The following APBB2 variants were observed in gnomAD, a reference collection of about 807,000 sequenced individuals.
APBB2 encodes the protein Fe65-like 1.
Under a neutral mutation model 82.5 loss-of-function variants are expected in APBB2, and 38 were observed. That is an observed-to-expected ratio of 0.46 (90% CI 0.36 to 0.60). APBB2 has a LOEUF of 0.60. Ranked by LOEUF, APBB2 falls within the 20% of genes least tolerant of loss-of-function variation. The pLI is 0.00. For missense variants in APBB2, 772 were observed against 972.3 expected, an observed-to-expected ratio of 0.79 and a Z score of 2.74; for synonymous variants, 341 against 368.2, an observed-to-expected ratio of 0.93 and a Z score of 0.85.
chr4:40,961,289 G>T (rs1018008633), intron 6 of APBB2, among the ~76,000 whole-genome samples: 7 of 151,962 alleles, frequency 4.6e-5, no homozygotes, highest in African/African-American at 1.7e-4. Context: ...GCTTCTAATG[G>T]ATTAGCTTTG....
chr4:41,006,947 G>C (rs1029787625), intron 6 of APBB2, among the ~76,000 whole-genome samples: 1 of 152,204 alleles, frequency 6.6e-6, no homozygotes, highest in Non-Finnish European at 1.5e-5. Context: ...TGCCAGTTGT[G>C]TTGACATAAT....
intron 7 of APBB2, chr4:40,935,354 T>C (rs1328394684): frequency 1.4e-5 from 7 of 506,104 alleles, no homozygotes; most frequent in Non-Finnish European, 2.4e-5. Context: ...GGTGCTTTAA[T>C]TACTTACCAA....
chr4:41,059,272 C>T (rs999248949), intron 4 of APBB2, among the ~76,000 whole-genome samples: 1 of 152,200 alleles, frequency 6.6e-6, no homozygotes, highest in African/African-American at 2.4e-5. Context: ...ACCAGCCTGG[C>T]CAACATGGTG....
chr4:41,183,816 T>G (rs902528165), intron 1 of APBB2, among the ~76,000 whole-genome samples: 2 of 147,868 alleles, frequency 1.4e-5, no homozygotes, highest in African/African-American at 5.0e-5. Flanking sequence ...ACAATTTTTC[T>G]ATGGACTGGG....
chr4:40,975,702 A>G (rs575741233), intron 6 of APBB2, among the ~76,000 whole-genome samples: 4 of 151,072 alleles, frequency 2.6e-5, no homozygotes, highest in Non-Finnish European at 4.4e-5. Context: ...CCTTCCCTAC[A>G]GTGCACACAA....
At chr4:41,137,609 T>G (rs1386428207) in intron 2 of APBB2, among the ~76,000 whole-genome samples, 2 of 152,154 alleles carry the variant, frequency 1.3e-5, no homozygotes, top group Non-Finnish European at 2.9e-5. Flanking sequence ...ACTAACTTTT[T>G]TCATAGAAAA....
intron 6 of APBB2, among the ~76,000 whole-genome samples, chr4:40,968,669 T>C (rs1015398565): frequency 6.6e-6 from 1 of 152,184 alleles, no homozygotes; most frequent in Non-Finnish European, 1.5e-5. Context: ...TCTGTATCCC[T>C]GTGCCTTTGC....
rs1169438211 is a variant in APBB2, at chr4:40,981,604, C to G, written c.835+31979G>C. Among the ~76,000 whole-genome samples the G allele has an allele frequency of 2.0e-5, 3 of 152,244 alleles. No individual in the cohort carries two copies. The East Asian group carries it at 5.8e-4, about 29-fold the overall frequency. On this transcript the variant is annotated intron_variant, in intron 6 of 17. Coordinates refer to ENST00000508593, the MANE Select transcript of APBB2 (RefSeq NM_004307.2). ...GAAAAAAATTCCACTTCACAAAGGT[C>G]TGTGATTAGTTCATTTGGGTTGTAT...
At chr4:40,958,632 G>C (rs1262497743) in intron 6 of APBB2, among the ~76,000 whole-genome samples, 2 of 151,986 alleles carry the variant, frequency 1.3e-5, no homozygotes, top group Non-Finnish European at 2.9e-5. Context: ...TTGAGACAGG[G>C]CCTTGCTTTG....
chr4:40,991,025 T>TTTTTTTTTTTTGG (rs1801909301), intron 6 of APBB2, among the ~76,000 whole-genome samples: 5 of 150,704 alleles, frequency 3.3e-5, no homozygotes, highest in Admixed American at 6.6e-5. Flanking sequence ...TTTTTTTTTT[T>TTTTTTTTTTTTGG]GGAGGCAAGG....
In APBB2 at chr4:40,975,792, C is replaced by CAAA. The variant is rs1437358527; in HGVS notation, c.836-30720_836-30719insTTT. Among the ~76,000 whole-genome samples the CAAA allele has an allele frequency of 4.6e-5, 4 of 87,186 alleles. No homozygotes were observed. The East Asian group carries it at 1.2e-3, about 25-fold the overall frequency. 57.2% of individuals were successfully genotyped at this position (87,186 alleles called of 152,430 possible). A position where few individuals can be genotyped will look rare whatever the true frequency, so the allele number is the denominator to read the frequency against. ...CACACACACACACACACACACACAA[C>CAAA]AACCACTCTACTTTCCCCTATATAA... is the stretch of plus-strand genomic sequence containing the variant. On this transcript the variant is annotated intron_variant, in intron 6 of 17. Coordinates refer to ENST00000508593, the MANE Select transcript of APBB2 (RefSeq NM_004307.2).
chr4:40,977,522 AAGCTGGTCT>A (rs759126080), intron 6 of APBB2, among the ~76,000 whole-genome samples: 2 of 152,138 alleles, frequency 1.3e-5, no homozygotes, highest in Admixed American at 6.5e-5. Context: ...CATGTTGGCC[AAGCTGGTCT>A]CGAATTTCTG....
intron 1 of APBB2, among the ~76,000 whole-genome samples, chr4:41,192,922 AAAG>A (rs1478080183): frequency 5.3e-5 from 8 of 152,204 alleles, no homozygotes; most frequent in Non-Finnish European, 1.0e-4. Flanking sequence ...TTTTTTATAA[AAAG>A]AAGAGGGTTC....
chr4:40,990,924 G>A (rs1318672246), intron 6 of APBB2, among the ~76,000 whole-genome samples: 1 of 151,804 alleles, frequency 6.6e-6, no homozygotes, highest in Non-Finnish European at 1.5e-5. Context: ...AGAAAGGAAG[G>A]AAACCCTGAA....
At chr4:40,989,946 A>C (rs1801554618) in intron 6 of APBB2, among the ~76,000 whole-genome samples, 1 of 152,198 alleles carries the variant, frequency 6.6e-6, no homozygotes, top group South Asian at 2.1e-4. Flanking sequence ...AAAAGAAGAA[A>C]ACTAAAGAGT....
chr4:41,159,948 GGAGAAGGAGA>G (rs1764507187), intron 1 of APBB2, among the ~76,000 whole-genome samples: 2 of 82,542 alleles, frequency 2.4e-5, no homozygotes, highest in South Asian at 4.3e-4. Context: ...AGGAGGAGAA[GGAGAAGGAGA>G]AGGAGAAGAA....
intron 5 of APBB2, among the ~76,000 whole-genome samples, chr4:41,027,364 C>CACACACAT (rs1231769191): frequency 6.3e-5 from 8 of 127,456 alleles, no homozygotes; most frequent in African/African-American, 2.3e-4. Flanking sequence ...CATATTGTTA[C>CACACACAT]ATATATATAT....
chr4:41,111,236 G>A (rs1265990477), intron 2 of APBB2, among the ~76,000 whole-genome samples: 1 of 152,244 alleles, frequency 6.6e-6, no homozygotes, highest in Non-Finnish European at 1.5e-5. Context: ...CTCCTGCTGT[G>A]CAGCCCTGTT....
chr4:40,981,180 G>A (rs1449281863), intron 6 of APBB2, among the ~76,000 whole-genome samples: 8 of 152,070 alleles, frequency 5.3e-5, no homozygotes, highest in Admixed American at 1.3e-4. Flanking sequence ...TGAGGCGGGC[G>A]GATCACGAGG....
Sources: gnomAD v4.1 joint callset for allele counts (sites outside exome capture counted in the v4.1 genomes callset) on GRCh38, gnomAD v4.1.1 for gene constraint, MANE v1.5 for transcripts, NCBI Gene and HGNC (gene_info 2026-07-23, HGNC 2026-07-21) for gene names.